CDK8: variants seen among roughly 807,000 people sequenced by gnomAD.
CDK8 encodes the protein cyclin-dependent kinase 8.
A neutral mutation model predicts 71.5 loss-of-function variants in CDK8; 29 were observed. The ratio of observed to expected loss-of-function variants is 0.41; its 90% CI spans 0.30 to 0.55. CDK8 has a LOEUF of 0.55. CDK8 is among the 20% of genes least tolerant of loss of function. The pLI, the probability that CDK8 is intolerant of heterozygous loss-of-function variation, is 0.37. For missense variants in CDK8, 288 were observed against 572.6 expected, an observed-to-expected ratio of 0.50 and a Z score of 5.07; for synonymous variants, 161 against 192.1, an observed-to-expected ratio of 0.84 and a Z score of 1.34.
chr13:26,330,334 TAGCTGGGACTAC>T (rs1432900375), intron 1 of CDK8, among the ~76,000 whole-genome samples: 1 of 152,160 alleles, frequency 6.6e-6, no homozygotes, highest in Non-Finnish European at 1.5e-5. Context: ...GCCTCCCTAG[TAGCTGGGACTAC>T]AGCTGTGCAC....
At chr13:26,340,849 G>A (rs965310647) in intron 2 of CDK8, among the ~76,000 whole-genome samples, 5 of 152,172 alleles carry the variant, frequency 3.3e-5, no homozygotes, top group African/African-American at 1.2e-4. Flanking sequence ...TGCTCTGTAA[G>A]TAAGTGTAGA....
chr13:26,297,049 G>A (rs1231314493), intron 1 of CDK8, among the ~76,000 whole-genome samples: 1 of 152,120 alleles, frequency 6.6e-6, no homozygotes, highest in East Asian at 1.9e-4. Flanking sequence ...CCTTTCCTCT[G>A]AATGACACAA....
rs1463346598 is a variant in CDK8 at position 26,305,040 on chromosome 13, A to G, written c.129-32527A>G. 2.0e-5 allele frequency among the ~76,000 whole-genome samples: 3 copies of G among 152,260 alleles called. No individual in the cohort carries two copies. The East Asian group carries it at 5.8e-4, about 29-fold the overall frequency. ...TCATTGTTGTATACAGTCAGTTTTCATTTAGAATTACTTTCACTTTTACAG... is the reference window on the plus strand; with the variant it reads ...TCATTGTTGTATACAGTCAGTTTTCGTTTAGAATTACTTTCACTTTTACAG... On this transcript the variant is annotated intron_variant, in intron 1 of 12. Transcript: ENST00000381527.
chr13:26,339,276 A>G (rs1297206385), intron 2 of CDK8, among the ~76,000 whole-genome samples: 1 of 152,046 alleles, frequency 6.6e-6, no homozygotes, highest in East Asian at 1.9e-4. Context: ...GATATACTCA[A>G]TTAATTTTTG....
chr13:26,288,384 A>G lies in CDK8; in HGVS notation c.128+33615A>G, dbSNP rs142955751. ...TTTTTTACATTTAGAGTTACTGTAC[A>G]TTTGGTATTGATTTTTGCATGTTGG... On this transcript the variant is annotated intron_variant, in intron 1 of 12. Transcript: ENST00000381527. Among the ~76,000 whole-genome samples, 603 of 152,178 alleles carry G rather than the reference A, an allele frequency of 4.0e-3. 7 individuals carry two copies. The highest frequency in any genetic ancestry group is 0.014 in the African/African-American group (568 of 41,524).
At chr13:26,312,475 A>G (rs1874332493) in intron 1 of CDK8, among the ~76,000 whole-genome samples, 1 of 149,746 alleles carries the variant, frequency 6.7e-6, no homozygotes, top group African/African-American at 2.5e-5. Flanking sequence ...CAGGAGGAAC[A>G]AACAACTCCA....
chr13:26,298,373 ACT>A (rs1046878099), intron 1 of CDK8, among the ~76,000 whole-genome samples: 42 of 151,734 alleles, frequency 2.8e-4, no homozygotes, highest in African/African-American at 8.0e-4. Flanking sequence ...AGTTCAAGAG[ACT>A]CTACCTTTGC....
intron 1 of CDK8, among the ~76,000 whole-genome samples, chr13:26,258,785 A>T (rs1346102899): frequency 6.6e-6 from 1 of 152,144 alleles, no homozygotes; most frequent in African/African-American, 2.4e-5. Flanking sequence ...CCACTAAAAA[A>T]TTTTACTTTA....
At chr13:26,337,531 A>G (rs1322354878) in intron 1 of CDK8, 36 bp from the exon 2 acceptor site, 3 of 851,556 alleles carry the variant, frequency 3.5e-6, no homozygotes, top group Non-Finnish European at 5.2e-6. Flanking sequence ...ATAAATATAG[A>G]TTTATCTATA....
chr13:26,270,593 A>G (rs1008902417), intron 1 of CDK8, among the ~76,000 whole-genome samples: 1 of 152,204 alleles, frequency 6.6e-6, no homozygotes, highest in South Asian at 2.1e-4. Flanking sequence ...CTGTCCCTGC[A>G]TTTGCCTGTT....
chr13:26,285,110 A>G (rs909717929), intron 1 of CDK8, among the ~76,000 whole-genome samples: 2 of 152,118 alleles, frequency 1.3e-5, no homozygotes, highest in African/African-American at 4.8e-5. Flanking sequence ...GTGGTGGCAC[A>G]CGCCTGTAAT....
At chr13:26,356,758 A>G (rs890954223) in intron 4 of CDK8, among the ~76,000 whole-genome samples, 4 of 152,348 alleles carry the variant, frequency 2.6e-5, no homozygotes, top group Middle Eastern at 3.4e-3. Context: ...GCTGTATCAC[A>G]TAACTTTTTT....
chr13:26,259,703 A>T (rs1411257508), intron 1 of CDK8, among the ~76,000 whole-genome samples: 4 of 152,308 alleles, frequency 2.6e-5, no homozygotes, highest in South Asian at 2.1e-4. Flanking sequence ...GCAATACTGG[A>T]AAATCAATTC....
At chr13:26,378,409 A>C (rs1219738728) in intron 4 of CDK8, among the ~76,000 whole-genome samples, 3 of 152,180 alleles carry the variant, frequency 2.0e-5, no homozygotes, top group African/African-American at 7.2e-5. Flanking sequence ...AGGAAATATC[A>C]ATGAGTTTTT....
intron 2 of CDK8, among the ~76,000 whole-genome samples, chr13:26,341,693 A>T (rs1873244869): frequency 6.6e-6 from 1 of 152,188 alleles, no homozygotes. Flanking sequence ...TTGAGAAGAC[A>T]CAGTTTGAAG....
At chr13:26,349,426 A>G (rs1243015942) in intron 3 of CDK8, among the ~76,000 whole-genome samples, 1 of 152,246 alleles carries the variant, frequency 6.6e-6, no homozygotes, top group African/African-American at 2.4e-5. Flanking sequence ...GTGTTCAACA[A>G]CTATTCAATA....
intron 4 of CDK8, among the ~76,000 whole-genome samples, chr13:26,367,062 A>G (rs1286828168): frequency 6.6e-6 from 1 of 152,166 alleles, no homozygotes; most frequent in East Asian, 1.9e-4. Context: ...TTGTTGTTAC[A>G]CAGCTATAAT....
chr13:26,272,703 G>A (rs148249182), intron 1 of CDK8, among the ~76,000 whole-genome samples: 151 of 152,208 alleles, frequency 9.9e-4, no homozygotes, highest in African/African-American at 3.3e-3. Context: ...TGTACATAAC[G>A]GTATGTGCTA....
chr13:26,337,919 T>C (rs944162037), intron 2 of CDK8, among the ~76,000 whole-genome samples: 2 of 152,106 alleles, frequency 1.3e-5, no homozygotes, highest in Non-Finnish European at 2.9e-5. Context: ...AGTTATTTCA[T>C]TGAGAGCAGT....
Sources: allele counts gnomAD v4.1 joint callset (sites outside exome capture counted in the v4.1 genomes callset), GRCh38; gene constraint gnomAD v4.1.1; transcripts MANE v1.5; gene names NCBI Gene and HGNC (gene_info 2026-07-23, HGNC 2026-07-21).